The following SLC35A5 variants were observed in gnomAD, a reference collection of about 807,000 sequenced individuals.
The protein encoded by SLC35A5 is UDP-sugar transporter protein SLC35A5.
SLC35A5 carries 28 observed loss-of-function variants against 36.3 expected under a neutral mutation model. The ratio of observed to expected loss-of-function variants is 0.77; its 90% CI spans 0.57 to 1.06. The LOEUF is 1.06. Among genes scored for constraint, SLC35A5 ranks in the 50% least tolerant of loss-of-function variants. The probability of loss-of-function intolerance (pLI) is 0.00; values close to 1 mark genes in which losing one functional copy is unlikely to be tolerated. For missense variants in SLC35A5, 521 were observed against 499.3 expected, an observed-to-expected ratio of 1.04 and a Z score of -0.41; for synonymous variants, 180 against 173.7, an observed-to-expected ratio of 1.04 and a Z score of -0.29.
Position 112,584,267 on chromosome 3 carries a change from G to T in SLC35A5, c.*1531G>T, listed in dbSNP as rs963093898. The T allele has an allele frequency of 6.6e-6, 1 of 152,074 alleles. No homozygotes were observed. The highest frequency in any genetic ancestry group is 1.5e-5 in the Non-Finnish European group (1 of 68,006). The allele number at this position is 152,074 out of a possible 1,614,324, so 9.4% of individuals were successfully genotyped here. A position where few individuals can be genotyped will look rare whatever the true frequency, so the allele number is the denominator to read the frequency against. ...ACTTTTAAAACTTTCTCTTTAAGTAGATCTTTACTTCTAACAATAACAAAG... is the reference window on the plus strand; with the variant it reads ...ACTTTTAAAACTTTCTCTTTAAGTATATCTTTACTTCTAACAATAACAAAG... On this transcript the variant is annotated 3_prime_UTR_variant, in exon 7 of 7. Transcript: ENST00000492406.
intron 5 of SLC35A5, among the ~76,000 whole-genome samples, chr3:112,579,436 C>T (rs1934802045): frequency 6.6e-6 from 1 of 151,894 alleles, no homozygotes; most frequent in African/African-American, 2.4e-5. Context: ...CTTTGCCTAA[C>T]TAACTGATCT....
At position 112,581,341 on chromosome 3, in the gene SLC35A5, G is replaced by A. The variant is rs777302643; in HGVS notation, c.1209+15G>A. 4.5e-6 allele frequency: 7 copies of A among 1,562,490 alleles called. No individual in the cohort carries two copies. The African/African-American group carries it at 8.3e-5, about 19-fold the overall frequency. On this transcript the variant is annotated intron_variant, in intron 6 of 6. Coordinates refer to ENST00000492406, the MANE Select transcript of SLC35A5 (RefSeq NM_017945.5). ...GTTCCAGTGGGGTAAGTTTGTGAGG[G>A]TGTTCCTTTTTGCTTGTTCTTCCCA...
chr3:112,566,482 A>T (rs755480619), intron 2 of SLC35A5, among the ~76,000 whole-genome samples: 6 of 152,268 alleles, frequency 3.9e-5, no homozygotes, highest in Non-Finnish European at 8.8e-5. Flanking sequence ...GAGAGGACTC[A>T]TGCAGAATGA....
intron 1 of SLC35A5, among the ~76,000 whole-genome samples, chr3:112,562,778 G>A (rs974546402): frequency 3.9e-5 from 6 of 152,194 alleles, no homozygotes; most frequent in African/African-American, 1.4e-4. Flanking sequence ...AAGAGTAAAA[G>A]CGAGGCCGGG....
chr3:112,582,828 A>G lies in SLC35A5; in HGVS notation c.*92A>G, dbSNP rs1440246736. The G allele has an allele frequency of 2.7e-6, 3 of 1,097,640 alleles. No individual in the cohort carries two copies. Among genetic ancestry groups the G allele is most frequent in the Non-Finnish European group, 1.4e-6 (1 of 733,660 alleles). 68.0% of individuals were successfully genotyped at this position (1,097,640 alleles called of 1,614,324 possible). A position where few individuals can be genotyped will look rare whatever the true frequency, so the allele number is the denominator to read the frequency against. On this transcript the variant is annotated 3_prime_UTR_variant, in exon 7 of 7. Transcript: ENST00000492406. ...ATCTTTTCACTTTGATAAACCAGAA[A>G]TGTTTCTAAATCCTAATATTCTTTG...
intron 2 of SLC35A5, among the ~76,000 whole-genome samples, chr3:112,566,721 A>T (rs182044048): frequency 2.2e-4 from 34 of 152,370 alleles, no homozygotes; most frequent in Non-Finnish European, 3.5e-4. Context: ...TAATCTCAGA[A>T]AGGAGTTAGT....
At position 112,570,621 on chromosome 3, in the gene SLC35A5, A is replaced by G; in HGVS notation, c.311A>G (p.Tyr104Cys). ...FMKWSIPAFL[Y>C]FLDNLIVFYV... ...AAGTGGTCCATTCCTGCCTTTCTTT[A>G]TTTCCTGGATAACTTGATTGTCTTC... is the stretch of plus-strand genomic sequence containing the variant. The change falls in exon 4 of 7, where the codon TAT becomes TGT. Residue 104 changes from tyrosine (Y) to cysteine (C), a missense_variant. Tyr to Cys is a radical substitution (Grantham distance 194). Coordinates refer to ENST00000492406, the MANE Select transcript of SLC35A5 (RefSeq NM_017945.5). The G allele has an allele frequency of 6.2e-7, 1 of 1,612,214 alleles. No individual in the cohort carries two copies. Among genetic ancestry groups the G allele is most frequent in the Non-Finnish European group, 8.5e-7 (1 of 1,179,202 alleles).
intron 5 of SLC35A5, among the ~76,000 whole-genome samples, chr3:112,579,850 TGAATA>T (rs2107446008): frequency 6.6e-6 from 1 of 152,342 alleles, no homozygotes; most frequent in South Asian, 2.1e-4. Context: ...AAACATCTGT[TGAATA>T]GAATGAATCA....
intron 3 of SLC35A5, chr3:112,570,320 C>A (rs1282767674): frequency 5.7e-6 from 2 of 353,474 alleles, no homozygotes; most frequent in Non-Finnish European, 1.0e-5. Flanking sequence ...AGTAATACTT[C>A]TGTTATCTCA....
chr3:112,569,383 C>A, intron 3 of SLC35A5, 114 bp downstream of exon 3: 2 of 772,092 alleles, frequency 2.6e-6, no homozygotes, highest in Non-Finnish European at 2.2e-6. Flanking sequence ...TATGAGGAAG[C>A]TAAGATACAA....
At chr3:112,569,099 ATTATG>A (rs1364539841) in intron 2 of SLC35A5, 67 bp from the exon 3 acceptor site, 2 of 1,191,172 alleles carry the variant, frequency 1.7e-6, no homozygotes, top group Non-Finnish European at 2.4e-6. Flanking sequence ...TTTTAAAACA[ATTATG>A]TTATACTGTA....
intron 5 of SLC35A5, among the ~76,000 whole-genome samples, chr3:112,577,636 A>G (rs1350362238): frequency 6.6e-6 from 1 of 152,236 alleles, no homozygotes; most frequent in Admixed American, 6.5e-5. Flanking sequence ...AAAAATGTAT[A>G]TAAGTTTCTC....
Sources: allele counts gnomAD v4.1 joint callset (sites outside exome capture counted in the v4.1 genomes callset), GRCh38; gene constraint gnomAD v4.1.1; transcripts MANE v1.5; gene names NCBI Gene and HGNC (gene_info 2026-07-23, HGNC 2026-07-21).